The following FAM185A variants were observed in gnomAD, a reference collection of about 807,000 sequenced individuals.
The protein encoded by FAM185A is protein FAM185A.
In FAM185A, 21 loss-of-function variants were observed where a neutral mutation model predicts 45.7. That is an observed-to-expected ratio of 0.46 (90% CI 0.33 to 0.66). The LOEUF (loss-of-function observed/expected upper bound fraction) is 0.66, where lower values mean the gene tolerates loss of function less well. Among genes scored for constraint, FAM185A ranks in the 30% least tolerant of loss-of-function variants. The pLI is 0.03. For synonymous variants in FAM185A, 117 were observed against 194.0 expected (o/e 0.60, Z 3.30); for missense variants, 305 against 485.4 (o/e 0.63, Z 3.49).
chr7:102,769,518 CT>C (rs1442853491), intron 4 of FAM185A, among the ~76,000 whole-genome samples: 1 of 150,502 alleles, frequency 6.6e-6, no homozygotes, highest in Non-Finnish European at 1.5e-5. Context: ...GAGTGGGTGA[CT>C]GGATTCACTA....
intron 7 of FAM185A, among the ~76,000 whole-genome samples, chr7:102,789,534 C>T (rs913370565): frequency 4.6e-5 from 7 of 152,124 alleles, no homozygotes; most frequent in African/African-American, 1.7e-4. Context: ...CATAGTGAAA[C>T]CCCCATTTCT....
At chr7:102,848,698 A>G in the FAM185A span, among the ~76,000 whole-genome samples, 1 of 152,120 alleles carries the variant, frequency 6.6e-6, no homozygotes, top group African/African-American at 2.4e-5. Flanking sequence ...TTAAGAGTAT[A>G]AAAAGCAACC....
At chr7:102,824,731 T>C in the FAM185A span, among the ~76,000 whole-genome samples, 6,225 of 151,100 alleles carry the variant, frequency 0.041, 324 homozygotes, top group East Asian at 0.16. Context: ...AGTGATCCGC[T>C]CACCTTGGCC....
At chr7:102,803,503 A>G (rs568993415) in intron 7 of FAM185A, among the ~76,000 whole-genome samples, 1 of 152,334 alleles carries the variant, frequency 6.6e-6, no homozygotes, top group South Asian at 2.1e-4. Flanking sequence ...TAAAACTCTC[A>G]GCAAAATCGG....
chr7:102,813,700 AG>A (rs138090373), downstream of FAM185A, among the ~76,000 whole-genome samples: 3,750 of 152,310 alleles, frequency 0.025, 163 homozygotes, highest in African/African-American at 0.086. Context: ...ACAAATAAAC[AG>A]GGTCCCAAAG....
downstream of FAM185A, among the ~76,000 whole-genome samples, chr7:102,813,003 C>T (rs138495850): frequency 3.8e-3 from 573 of 152,068 alleles, 5 homozygotes; most frequent in African/African-American, 0.014. Flanking sequence ...CCACCACACC[C>T]GGCTAATTTT....
chr7:102,790,123 A>T (rs1437802640), intron 7 of FAM185A, among the ~76,000 whole-genome samples: 2 of 152,316 alleles, frequency 1.3e-5, no homozygotes, highest in South Asian at 2.1e-4. Flanking sequence ...TCTAACGATA[A>T]AAAGTATAGT....
At chr7:102,837,221 C>T in the FAM185A span, among the ~76,000 whole-genome samples, 1 of 152,236 alleles carries the variant, frequency 6.6e-6, no homozygotes, top group Non-Finnish European at 1.5e-5. Flanking sequence ...GGCACCACAA[C>T]TAAACTCTGC....
At chr7:102,831,917 CTGAGATCTCTAGT>C in the FAM185A span, among the ~76,000 whole-genome samples, 1 of 152,210 alleles carries the variant, frequency 6.6e-6, no homozygotes, top group Non-Finnish European at 1.5e-5. Context: ...AATCCAGAAC[CTGAGATCTCTAGT>C]TCTTTACATG....
At chr7:102,842,422 C>T in the FAM185A span, among the ~76,000 whole-genome samples, 2 of 152,198 alleles carry the variant, frequency 1.3e-5, no homozygotes, top group Admixed American at 1.3e-4. Context: ...CATTACAAGT[C>T]AGTATGTGTC....
At chr7:102,772,055 G>A (rs1317177124) in intron 4 of FAM185A, among the ~76,000 whole-genome samples, 14 of 142,610 alleles carry the variant, frequency 9.8e-5, no homozygotes, top group Non-Finnish European at 2.0e-4. Context: ...GCTTTGTGTG[G>A]TCTGATAAAT....
At chr7:102,752,557 AC>A (rs1330533628) in intron 2 of FAM185A, among the ~76,000 whole-genome samples, 2 of 151,000 alleles carry the variant, frequency 1.3e-5, no homozygotes. Context: ...GGCATGAGCC[AC>A]TGCGTCCGGC....
chr7:102,839,454 T>C, the FAM185A span, among the ~76,000 whole-genome samples: 2 of 152,228 alleles, frequency 1.3e-5, no homozygotes, highest in Non-Finnish European at 2.9e-5. Flanking sequence ...TCTCAGTCTC[T>C]CGTCCCACCT....
chr7:102,848,397 A>G, the FAM185A span, among the ~76,000 whole-genome samples: 3 of 100,592 alleles, frequency 3.0e-5, 1 homozygote, highest in East Asian at 1.1e-3. Flanking sequence ...TCTACTAAAA[A>G]TACAAAAAAT....
the FAM185A span, among the ~76,000 whole-genome samples, chr7:102,848,406 A>T: frequency 9.9e-6 from 1 of 100,662 alleles, no homozygotes; most frequent in Non-Finnish European, 1.8e-5. Context: ...AATACAAAAA[A>T]TTAGCCGGGC....
At chr7:102,823,005 T>C in the FAM185A span, among the ~76,000 whole-genome samples, 1 of 152,122 alleles carries the variant, frequency 6.6e-6, no homozygotes, top group Admixed American at 6.5e-5. Flanking sequence ...AGTGCTTCAG[T>C]GAGCCGAGAT....
chr7:102,780,067 T>G (rs1391785887), intron 6 of FAM185A, among the ~76,000 whole-genome samples: 1 of 151,638 alleles, frequency 6.6e-6, no homozygotes, highest in Non-Finnish European at 1.5e-5. Flanking sequence ...GTTCCCTAAT[T>G]TTTTTTTAGA....
intron 5 of FAM185A, among the ~76,000 whole-genome samples, chr7:102,776,116 A>ACATATACACACACACACACACACAC (rs1198677194): frequency 8.4e-4 from 106 of 126,562 alleles, no homozygotes; most frequent in East Asian, 2.9e-3. Flanking sequence ...ACACACACAC[A>ACATATACACACACACACACACACAC]AATGTTTTCT....
intron 7 of FAM185A, among the ~76,000 whole-genome samples, chr7:102,790,505 C>T (rs1473659576): frequency 6.6e-6 from 1 of 152,140 alleles, no homozygotes; most frequent in East Asian, 1.9e-4. Context: ...TAATCTAAAA[C>T]AATAATAAAG....
Sources: gnomAD v4.1 joint callset for allele counts (sites outside exome capture counted in the v4.1 genomes callset) on GRCh38, gnomAD v4.1.1 for gene constraint, MANE v1.5 for transcripts, NCBI Gene and HGNC (gene_info 2026-07-23, HGNC 2026-07-21) for gene names.